FHOD3: variants seen among roughly 807,000 people sequenced by gnomAD.
The protein encoded by FHOD3 is FH1/FH2 domain-containing protein 3.
A neutral mutation model predicts 173.0 loss-of-function variants in FHOD3; 90 were observed. The observed-to-expected ratio is 0.52, with a 90% CI of 0.44 to 0.62. FHOD3 has a LOEUF of 0.62. Ranked by LOEUF, FHOD3 falls within the 20% of genes least tolerant of loss-of-function variation. The probability of loss-of-function intolerance (pLI) is 0.00; values close to 1 mark genes in which losing one functional copy is unlikely to be tolerated. For synonymous variants in FHOD3, 828 were observed against 823.0 expected (o/e 1.01, Z -0.10); for missense variants, 1,945 against 2,034.7 (o/e 0.96, Z 0.85).
At chr18:36,607,483 C>A (rs1451788749) in intron 8 of FHOD3, among the ~76,000 whole-genome samples, 1 of 152,144 alleles carries the variant, frequency 6.6e-6, no homozygotes, top group Admixed American at 6.5e-5. Context: ...GTTTTTCTCC[C>A]ATCGTCTTGG....
chr18:36,766,590 TAAATG>T (rs985970016), intron 27 of FHOD3, among the ~76,000 whole-genome samples: 33 of 152,220 alleles, frequency 2.2e-4, no homozygotes, highest in African/African-American at 7.2e-4. Flanking sequence ...AGAATGGAAA[TAAATG>T]GTAATCAGGC....
intron 3 of FHOD3, among the ~76,000 whole-genome samples, chr18:36,495,088 C>T (rs1056854301): frequency 2.6e-5 from 4 of 152,026 alleles, no homozygotes; most frequent in Non-Finnish European, 5.9e-5. Flanking sequence ...GGCTGTAGGC[C>T]ACCACCCCTG....
intron 2 of FHOD3, among the ~76,000 whole-genome samples, chr18:36,368,240 A>G (rs1210739937): frequency 6.6e-6 from 1 of 152,098 alleles, no homozygotes; most frequent in Non-Finnish European, 1.5e-5. Flanking sequence ...TGCAGGTAGG[A>G]TTTCTATATT....
intron 5 of FHOD3, among the ~76,000 whole-genome samples, chr18:36,550,243 C>CATATATATATAT (rs371573246): frequency 0.16 from 19,142 of 119,092 alleles, 1,859 homozygotes; most frequent in Non-Finnish European, 0.23. Flanking sequence ...AGTGGTAGAC[C>CATATATATATAT]ATATATATAT....
intron 6 of FHOD3, among the ~76,000 whole-genome samples, chr18:36,579,977 C>T (rs1331866177): frequency 1.3e-5 from 2 of 151,888 alleles, no homozygotes; most frequent in Non-Finnish European, 2.9e-5. Context: ...AAATGCATGC[C>T]ATGGCTCAGA....
intron 10 of FHOD3, among the ~76,000 whole-genome samples, chr18:36,637,931 A>G (rs2035007821): frequency 1.3e-5 from 2 of 152,224 alleles, no homozygotes; most frequent in Admixed American, 1.3e-4. Flanking sequence ...CACAATACCA[A>G]TACCAGAAGT....
chr18:36,481,210 G>C (rs2053875414), intron 3 of FHOD3, among the ~76,000 whole-genome samples: 1 of 151,956 alleles, frequency 6.6e-6, no homozygotes, highest in Admixed American at 6.6e-5. Flanking sequence ...TTCTGTGTTT[G>C]TTCTTTGCAT....
chr18:36,521,484 G>C (rs1355531786), intron 5 of FHOD3, among the ~76,000 whole-genome samples: 2 of 151,966 alleles, frequency 1.3e-5, no homozygotes, highest in Non-Finnish European at 2.9e-5. Context: ...GCCACCCTAG[G>C]GTCCTCCTAA....
intron 3 of FHOD3, among the ~76,000 whole-genome samples, chr18:36,418,684 G>A (rs1459418617): frequency 1.3e-5 from 2 of 152,106 alleles, no homozygotes; most frequent in African/African-American, 2.4e-5. Context: ...AGGCTGAGAG[G>A]CAGGAGCATC....
chr18:36,396,061 G>A (rs1395493652), intron 3 of FHOD3, among the ~76,000 whole-genome samples: 1 of 152,064 alleles, frequency 6.6e-6, no homozygotes, highest in Non-Finnish European at 1.5e-5. Context: ...AATATCCTTG[G>A]CCAACATTTT....
intron 2 of FHOD3, among the ~76,000 whole-genome samples, chr18:36,356,270 TG>T (rs2046356464): frequency 6.6e-6 from 1 of 152,260 alleles, no homozygotes; most frequent in African/African-American, 2.4e-5. Flanking sequence ...TTATTAATTA[TG>T]TTAATGTCAA....
chr18:36,732,154 A>G (rs2041395776), intron 20 of FHOD3, among the ~76,000 whole-genome samples: 1 of 152,184 alleles, frequency 6.6e-6, no homozygotes, highest in Non-Finnish European at 1.5e-5. Context: ...GATGTTTTTA[A>G]AAGCCAAAGA....
intron 5 of FHOD3, among the ~76,000 whole-genome samples, chr18:36,567,642 C>G (rs1462972212): frequency 6.6e-6 from 1 of 152,196 alleles, no homozygotes; most frequent in African/African-American, 2.4e-5. Context: ...AAGACTAGAA[C>G]TTAGAATATT....
At chr18:36,609,924 T>C (rs554245379) in intron 8 of FHOD3, among the ~76,000 whole-genome samples, 15 of 152,334 alleles carry the variant, frequency 9.8e-5, no homozygotes, top group African/African-American at 2.9e-4. Context: ...TGCTTACTTC[T>C]ATAGTTCTCA....
At chr18:36,601,212 T>C (rs1243359947) in intron 7 of FHOD3, among the ~76,000 whole-genome samples, 1 of 152,244 alleles carries the variant, frequency 6.6e-6, no homozygotes, top group African/African-American at 2.4e-5. Context: ...GCAAGGGTCA[T>C]AGAAGATTGC....
At chr18:36,691,237 T>C (rs530377013) in intron 16 of FHOD3, among the ~76,000 whole-genome samples, 13 of 152,342 alleles carry the variant, frequency 8.5e-5, no homozygotes, top group African/African-American at 3.1e-4. Context: ...TCCTCCTGGC[T>C]GGAAGCCTTT....
intron 2 of FHOD3, among the ~76,000 whole-genome samples, chr18:36,359,340 A>G (rs1185871717): frequency 1.3e-5 from 2 of 152,342 alleles, no homozygotes. Context: ...CTCAGGCTCT[A>G]GCTAGTCAGA....
intron 3 of FHOD3, among the ~76,000 whole-genome samples, chr18:36,430,813 C>A (rs1026467773): frequency 4.6e-5 from 7 of 152,016 alleles, no homozygotes; most frequent in Non-Finnish European, 1.0e-4. Context: ...TAGACGTTAG[C>A]GTGAGTTAGA....
chr18:36,707,276 G>A (rs948880893), intron 17 of FHOD3, among the ~76,000 whole-genome samples: 2 of 152,162 alleles, frequency 1.3e-5, no homozygotes, highest in Non-Finnish European at 2.9e-5. Flanking sequence ...CAGCTGCAGG[G>A]GGGTCTTTGC....
Sources: allele counts gnomAD v4.1 joint callset (sites outside exome capture counted in the v4.1 genomes callset), GRCh38; gene constraint gnomAD v4.1.1; transcripts MANE v1.5; gene names NCBI Gene and HGNC (gene_info 2026-07-23, HGNC 2026-07-21).